INPP5B: variants seen among roughly 807,000 people sequenced by gnomAD.
INPP5B encodes type II inositol 1,4,5-trisphosphate 5-phosphatase.
Under a neutral mutation model 118.5 loss-of-function variants are expected in INPP5B, and 90 were observed. The ratio of observed to expected loss-of-function variants is 0.76; its 90% CI spans 0.64 to 0.90. The LOEUF (loss-of-function observed/expected upper bound fraction) is 0.90. Ranked by LOEUF, INPP5B falls within the 40% of genes least tolerant of loss-of-function variation. The pLI is 0.00. For synonymous variants in INPP5B, 385 were observed against 418.9 expected (o/e 0.92, Z 0.99); for missense variants, 984 against 1,125.6 (o/e 0.87, Z 1.80).
intron 7 of INPP5B, chr1:37,930,060 A>G (rs1645391171): frequency 6.6e-6 from 1 of 152,030 alleles, no homozygotes; most frequent in African/African-American, 2.4e-5. Flanking sequence ...CTATTTATTT[A>G]TTTATTTTAG....
At position 37,868,552 on chromosome 1, in the gene INPP5B, G is replaced by C. The variant is rs766061567; in HGVS notation, c.2250C>G (p.Pro750=). 5 of 1,613,876 alleles carry C rather than the reference G, an allele frequency of 3.1e-6. No individual in the cohort carries two copies. Among genetic ancestry groups the C allele is most frequent in the Non-Finnish European group, 4.2e-6 (5 of 1,179,914 alleles). ...AATCAACCATCATCCAGAGCTCTTTGGGGATTTCCATGGGGCTATCCAACT... is the reference window on the plus strand; with the variant it reads ...AATCAACCATCATCCAGAGCTCTTTCGGGATTTCCATGGGGCTATCCAACT... ...GSQLDSPMEI[P]KELWMMVDYL... Residue 750 remains proline (P), a synonymous_variant, in exon 20 of 24, where the codon CCC becomes CCG. Coordinates refer to ENST00000373024, the MANE Select transcript of INPP5B (RefSeq NM_005540.3).
intron 20 of INPP5B, among the ~76,000 whole-genome samples, chr1:37,867,455 C>T (rs1017039488): frequency 1.3e-5 from 2 of 152,230 alleles, no homozygotes; most frequent in Non-Finnish European, 2.9e-5. Flanking sequence ...CAAATTCCAC[C>T]TCTGCCCATT....
In INPP5B at chr1:37,899,095, C is replaced by T. The variant is rs576789925; in HGVS notation, c.533-7641G>A. Among the ~76,000 whole-genome samples, 21 of 149,678 alleles carry T rather than the reference C, an allele frequency of 1.4e-4. 1 individual carries two copies. The South Asian group carries it at 3.8e-3, about 27-fold the overall frequency. ...ACTTGGGAGGCTGAGGCAAGAGAAT[C>T]GCTTGAACCCGAGAGGCGGAGGTTG... is the stretch of plus-strand genomic sequence containing the variant. On this transcript the variant is annotated intron_variant, in intron 7 of 23. Coordinates refer to ENST00000373024, the MANE Select transcript of INPP5B (RefSeq NM_005540.3).
At chr1:37,891,711 T>C (rs1183777527) in intron 7 of INPP5B, among the ~76,000 whole-genome samples, 1 of 151,746 alleles carries the variant, frequency 6.6e-6, no homozygotes, top group Non-Finnish European at 1.5e-5. Flanking sequence ...GAGGCGGAGG[T>C]TGCAGTGAGC....
At chr1:37,942,343 A>T (rs1160318652) in intron 5 of INPP5B, 1 of 150,792 alleles carries the variant, frequency 6.6e-6, no homozygotes, top group Non-Finnish European at 1.5e-5. Context: ...CTGAGGCAGG[A>T]GAATGGCGTG....
Position 37,885,827 on chromosome 1 carries a change from T to TA in INPP5B, c.1132-3dup. On this transcript the variant is annotated splice_polypyrimidine_tract_variant and splice_region_variant and intron_variant, in intron 12 of 23. Coordinates refer to ENST00000373024, the MANE Select transcript of INPP5B (RefSeq NM_005540.3). The stretch of plus-strand genomic sequence containing the variant: ...GATCGCCACGCCTCCCTTGTTGCCC[T>TA]ATGGAAAGGATCCCCAAAGAAATCC... The TA allele has an allele frequency of 6.2e-7, 1 of 1,612,804 alleles. No homozygotes were observed. The highest frequency in any genetic ancestry group is 2.2e-5 in the East Asian group (1 of 44,864).
At chr1:37,912,818 C>A (rs1644745054) in intron 7 of INPP5B, among the ~76,000 whole-genome samples, 2 of 152,234 alleles carry the variant, frequency 1.3e-5, no homozygotes, top group Non-Finnish European at 2.9e-5. Flanking sequence ...TACCTCTCCC[C>A]AGCTATCTCC....
intron 13 of INPP5B, chr1:37,883,950 T>C (rs1008376090): frequency 6.2e-6 from 4 of 645,380 alleles, no homozygotes; most frequent in Admixed American, 6.3e-5. Context: ...GTTGTAGAGA[T>C]AAATGAGATA....
chr1:37,898,897 A>C (rs985645926), intron 7 of INPP5B, among the ~76,000 whole-genome samples: 1 of 151,878 alleles, frequency 6.6e-6, no homozygotes, highest in African/African-American at 2.4e-5. Flanking sequence ...ATAAGACTAA[A>C]GGCACCAGGA....
At chr1:37,946,787 G>A (rs1394695562) in intron 1 of INPP5B, among the ~76,000 whole-genome samples, 1 of 152,080 alleles carries the variant, frequency 6.6e-6, no homozygotes, top group Non-Finnish European at 1.5e-5. Flanking sequence ...CATTCAGGAG[G>A]GTCCCATTCC....
intron 7 of INPP5B, among the ~76,000 whole-genome samples, chr1:37,912,668 T>C (rs534097033): frequency 6.6e-6 from 1 of 152,252 alleles, no homozygotes; most frequent in East Asian, 1.9e-4. Flanking sequence ...CTATCCCCAA[T>C]CCGCCACTCT....
intron 7 of INPP5B, among the ~76,000 whole-genome samples, chr1:37,912,658 C>T (rs180719188): frequency 1.3e-5 from 2 of 152,278 alleles, no homozygotes; most frequent in Non-Finnish European, 2.9e-5. Context: ...TCTCCTGGTA[C>T]TATCCCCAAT....
At chr1:37,927,108 G>A (rs1313089823) in intron 7 of INPP5B, among the ~76,000 whole-genome samples, 1 of 152,150 alleles carries the variant, frequency 6.6e-6, no homozygotes, top group Non-Finnish European at 1.5e-5. Context: ...CCAACAAGGT[G>A]AAACACCATC....
At chr1:37,918,206 C>G (rs991096971) in intron 7 of INPP5B, among the ~76,000 whole-genome samples, 58 of 152,154 alleles carry the variant, frequency 3.8e-4, no homozygotes, top group African/African-American at 1.4e-3. Context: ...AAGAGATCTT[C>G]CCACTTCTCC....
In INPP5B at chr1:37,907,937, TCC is replaced by T. The variant is rs1644553192; in HGVS notation, c.533-16485_533-16484del. On this transcript the variant is annotated intron_variant, in intron 7 of 23. Coordinates refer to ENST00000373024, the MANE Select transcript of INPP5B (RefSeq NM_005540.3). The surrounding 1 kb of genome is among the most constrained non-coding windows in gnomAD (Gnocchi z 4.3). ...TGAAAACAGCCTTAACTGATGACAT[TCC>T]ACCATTGTGATTTGTTCCTGCCCCA... 6.6e-6 allele frequency among the ~76,000 whole-genome samples: 1 copy of T among 152,152 alleles called. No homozygotes were observed. The highest frequency in any genetic ancestry group is 2.4e-5 in the African/African-American group (1 of 41,406).
chr1:37,896,256 G>A (rs1644054395), intron 7 of INPP5B, among the ~76,000 whole-genome samples: 1 of 150,272 alleles, frequency 6.7e-6, no homozygotes, highest in African/African-American at 2.4e-5. Context: ...CGTCTGAGAA[G>A]TGAGGAGCCC....
At chr1:37,920,079 A>C (rs1341394810) in intron 7 of INPP5B, among the ~76,000 whole-genome samples, 1 of 152,212 alleles carries the variant, frequency 6.6e-6, no homozygotes, top group Non-Finnish European at 1.5e-5. Context: ...TCCACGTTAC[A>C]GACCAGGAGA....
rs193128379 is a variant in INPP5B, at chr1:37,946,189, C to T, written c.57+63G>A. ...AGGAGAGGGGATAGACACCTCGACA[C>T]CTTCCATTCCTCTTCCCAAGGCCAG... On this transcript the variant is annotated intron_variant, in intron 2 of 23. Coordinates refer to ENST00000373024, the MANE Select transcript of INPP5B (RefSeq NM_005540.3). 34 of 1,484,160 alleles carry T rather than the reference C, an allele frequency of 2.3e-5. No homozygotes were observed. The East Asian group carries it at 8.0e-4, about 35-fold the overall frequency. 91.9% of individuals were successfully genotyped at this position (1,484,160 alleles called of 1,614,324 possible). A position where few individuals can be genotyped will look rare whatever the true frequency, so the allele number is the denominator to read the frequency against.
rs1642960483 is a variant in INPP5B at position 37,878,194 on chromosome 1, G to A, written c.1671C>T (p.Asp557=). 2 of 1,614,078 alleles carry A rather than the reference G, an allele frequency of 1.2e-6. No individual in the cohort carries two copies. Among genetic ancestry groups the A allele is most frequent in the Non-Finnish European group, 1.7e-6 (2 of 1,179,980 alleles). ...GGTACCAGCTGCCACCTACCCCGAT[G>A]TCAAACACTGAGCTGACAGGCTTGT... is the stretch of plus-strand genomic sequence containing the variant. ...SDHKPVSSVF[D]IGVRVVNDEL... is the part of the protein sequence containing the mutation. The change falls in exon 16 of 24, where the codon GAC becomes GAT. Residue 557 remains aspartate, a synonymous_variant. Coordinates refer to ENST00000373024, the MANE Select transcript of INPP5B (RefSeq NM_005540.3).
Sources: allele counts gnomAD v4.1 joint callset (sites outside exome capture counted in the v4.1 genomes callset), GRCh38; gene constraint gnomAD v4.1.1; non-coding constraint Gnocchi (gnomAD v3.1); transcripts MANE v1.5; gene names NCBI Gene and HGNC (gene_info 2026-07-23, HGNC 2026-07-21).